The following MRC2 variants were observed in gnomAD, a reference collection of about 807,000 sequenced individuals.
The protein encoded by MRC2 is C-type mannose receptor 2.
A neutral mutation model predicts 206.2 loss-of-function variants in MRC2; 84 were observed. The ratio of observed to expected loss-of-function variants is 0.41; its 90% CI spans 0.34 to 0.49. MRC2 has a LOEUF of 0.49. Ranked by LOEUF, MRC2 falls within the 20% of genes least tolerant of loss-of-function variation. The pLI is 0.31. For missense variants in MRC2, 1,676 were observed against 2,001.5 expected (o/e 0.84, Z 3.10); for synonymous variants, 798 against 800.0 (o/e 1.00, Z 0.04).
In MRC2 at chr17:62,689,996, G is replaced by A. The variant is rs748483220; in HGVS notation, c.3676G>A (p.Asp1226Asn). ...GGGGGGCTGTACCTACGTAGATGTG[G>A]ACGGGGCCTGGCGCACCACCAGCTG... ...QPGGCTYVDV[D>N]GAWRTTSCDT... Residue 1226 changes from aspartate (D) to asparagine (N), a missense_variant, in exon 25 of 30, where the codon GAC (aspartate) becomes AAC (asparagine). By Grantham distance (23) the Asp-to-Asn change is conservative. Transcript: ENST00000303375. The A allele has an allele frequency of 6.2e-7, 1 of 1,612,430 alleles. No individual in the cohort carries two copies. The highest frequency in any genetic ancestry group is 8.5e-7 in the Non-Finnish European group (1 of 1,179,710).
In MRC2 at chr17:62,680,059, C is replaced by A. The variant is rs558000817; in HGVS notation, c.2299-111C>A. On this transcript the variant is annotated intron_variant, in intron 14 of 29. Coordinates refer to ENST00000303375, the MANE Select transcript of MRC2 (RefSeq NM_006039.5). The surrounding 1 kb of genome is among the most constrained non-coding windows in gnomAD (Gnocchi z 4.8). ...CAGGTCCGAGAGGGGTCACCCGGCC[C>A]CCGGTGAGAATTCGCAGCTCAGGCC... 6.5e-7 allele frequency: 1 copy of A among 1,548,970 alleles called. No individual in the cohort carries two copies. The highest frequency in any genetic ancestry group is 1.7e-5 in the Admixed American group (1 of 57,178).
At position 62,692,274 on chromosome 17, in the gene MRC2, G is replaced by A. The variant is rs765896720; in HGVS notation, c.4263G>A (p.Ala1421=). 2.1e-5 allele frequency: 34 copies of A among 1,604,306 alleles called. No homozygotes were observed. Among genetic ancestry groups the A allele is most frequent in the African/African-American group, 1.6e-4 (12 of 74,838 alleles). The change falls in exon 30 of 30, where the codon GCG becomes GCA. Residue 1421 remains alanine, a synonymous_variant. Coordinates refer to ENST00000303375, the MANE Select transcript of MRC2 (RefSeq NM_006039.5). This position sits in a 1 kb window ranked among gnomAD's most constrained non-coding sequence, Gnocchi z 4.2. ...CGGCCCTGGTGGTGGTGCTGATGGC[G>A]GTGCTGCTGCTCCTGGCCTTGCTGA... is the stretch of plus-strand genomic sequence containing the variant. ...NPAALVVVLM[A]VLLLLALLTA...
At chr17:62,645,497 TTA>T (rs1201996433) in intron 1 of MRC2, among the ~76,000 whole-genome samples, 1,585 of 93,736 alleles carry the variant, frequency 0.017, 43 homozygotes, top group Middle Eastern at 0.036. Flanking sequence ...TGTGTATATA[TTA>T]TATATATATA....
At chr17:62,677,144 G>C (rs2088902998) in intron 11 of MRC2, 125 bp from the exon 12 acceptor site, 3 of 729,450 alleles carry the variant, frequency 4.1e-6, no homozygotes, top group African/African-American at 1.8e-5. Context: ...CAGAGAGCAT[G>C]TCTCTGAAGA....
At chr17:62,679,999 G>A in intron 14 of MRC2, 97 bp downstream of exon 14, 5 of 1,459,040 alleles carry the variant, frequency 3.4e-6, no homozygotes, top group Non-Finnish European at 4.6e-6. Flanking sequence ...TTTTCTTGAG[G>A]GCCGGGCCCC....
chr17:62,651,898 T>G (rs2088560131), intron 1 of MRC2, among the ~76,000 whole-genome samples: 1 of 152,244 alleles, frequency 6.6e-6, no homozygotes, highest in Non-Finnish European at 1.5e-5. Flanking sequence ...AAACCTCAGT[T>G]TCTCAGGAAC....
At position 62,643,801 on chromosome 17, in the gene MRC2, A is replaced by C. The variant is rs147398699; in HGVS notation, c.118+15881A>C. Among the ~76,000 whole-genome samples, 18 of 152,344 alleles carry C rather than the reference A, an allele frequency of 1.2e-4. No homozygotes were observed. The East Asian group carries it at 3.3e-3, about 28-fold the overall frequency. The stretch of plus-strand genomic sequence containing the variant: ...TTAAAGTAATAGCTAGGAAATGATG[A>C]AATGAAACGTGATATTATATCATGG... On this transcript the variant is annotated intron_variant, in intron 1 of 29. Transcript: ENST00000303375.
intron 9 of MRC2, among the ~76,000 whole-genome samples, chr17:62,674,642 C>T (rs1268063791): frequency 6.6e-6 from 1 of 152,088 alleles, no homozygotes; most frequent in East Asian, 1.9e-4. Flanking sequence ...GGGGCTGCAC[C>T]TTCCCCCTCC....
intron 10 of MRC2, 128 bp downstream of exon 10, chr17:62,676,033 C>A: frequency 1.4e-6 from 1 of 731,278 alleles, no homozygotes; most frequent in Non-Finnish European, 2.3e-6. Context: ...CCTCAGTGGG[C>A]TCCAGGGCAT....
chr17:62,671,869 G>GAGGGC lies in MRC2; in HGVS notation c.1306+38_1306+42dup. On this transcript the variant is annotated intron_variant, in intron 7 of 29. Coordinates refer to ENST00000303375, the MANE Select transcript of MRC2 (RefSeq NM_006039.5). The surrounding 1 kb of genome is among the most constrained non-coding windows in gnomAD (Gnocchi z 4.5). ...AGCTGCCCGCCCACGTGTCTGGGTG[G>GAGGGC]AGGGCAGGGCCTCCCACTGCCCCAC... The GAGGGC allele has an allele frequency of 6.3e-7, 1 of 1,586,358 alleles. No homozygotes were observed. The highest frequency in any genetic ancestry group is 1.3e-5 in the African/African-American group (1 of 74,610).
At chr17:62,637,162 A>G (rs2147431525) in intron 1 of MRC2, among the ~76,000 whole-genome samples, 1 of 152,298 alleles carries the variant, frequency 6.6e-6, no homozygotes, top group East Asian at 1.9e-4. Flanking sequence ...CAGGAGTTCA[A>G]GACCAGCCTG....
At chr17:62,689,375 G>T in intron 23 of MRC2, 147 bp from the exon 24 acceptor site, 1 of 613,800 alleles carries the variant, frequency 1.6e-6, no homozygotes, top group South Asian at 2.1e-5. Context: ...CAACAGGGCT[G>T]ACACCTACCA....
At chr17:62,668,554 T>C (rs1045207626) in intron 6 of MRC2, among the ~76,000 whole-genome samples, 1 of 151,984 alleles carries the variant, frequency 6.6e-6, no homozygotes, top group Non-Finnish European at 1.5e-5. Context: ...CCCAGAGTAA[T>C]TGAATCAGAA....
chr17:62,668,371 T>G, intron 6 of MRC2, among the ~76,000 whole-genome samples: 1 of 123,828 alleles, frequency 8.1e-6, no homozygotes, highest in African/African-American at 3.2e-5. Context: ...AATAAATAAA[T>G]AAATAAATAA....
rs80289141 is a variant in MRC2, at chr17:62,678,365, G to T, written c.2053-139G>T. 7.4e-6 allele frequency: 9 copies of T among 1,208,486 alleles called. 1 individual carries two copies. Among genetic ancestry groups the T allele is most frequent in the South Asian group, 4.9e-5 (3 of 61,162 alleles). The allele number at this position is 1,208,486 out of a possible 1,614,324, so 74.9% of individuals were successfully genotyped here. On this transcript the variant is annotated intron_variant, in intron 12 of 29. Coordinates refer to ENST00000303375, the MANE Select transcript of MRC2 (RefSeq NM_006039.5). ...CTCCCCAGACCTCTGCAGATGAACA[G>T]GATTGTCCTTAGCTAGCCTTAGCCC...
At position 62,652,769 on chromosome 17, in the gene MRC2, G is replaced by T. The variant is rs1205986564; in HGVS notation, c.119-11779G>T. ...GTGACAGAGGAAGTGGCGCCGCTTG[G>T]GGGGGTGCACGATGGCAGGGGGAGG... On this transcript the variant is annotated intron_variant, in intron 1 of 29. Transcript: ENST00000303375. The surrounding 1 kb of genome is among the most constrained non-coding windows in gnomAD (Gnocchi z 4.6). Among the ~76,000 whole-genome samples the T allele has an allele frequency of 2.0e-5, 3 of 149,340 alleles. No homozygotes were observed. The highest frequency in any genetic ancestry group is 3.4e-3 in the Middle Eastern group (1 of 292).
chr17:62,682,143 C>A, intron 19 of MRC2, 92 bp from the exon 20 acceptor site: 2 of 1,344,654 alleles, frequency 1.5e-6, no homozygotes, highest in Non-Finnish European at 2.0e-6. Flanking sequence ...TCTGCCCAGA[C>A]TCCTCTCAGG....
At chr17:62,630,617 A>G (rs188170697) in intron 1 of MRC2, among the ~76,000 whole-genome samples, 28 of 152,094 alleles carry the variant, frequency 1.8e-4, no homozygotes, top group African/African-American at 6.5e-4. Context: ...GCTGTGGGGA[A>G]CCCCAGGGGA....
rs2088858227 is a variant in MRC2, at chr17:62,673,969, G to C, written c.1462-94G>C. 6.1e-6 allele frequency: 6 copies of C among 983,066 alleles called. No individual in the cohort carries two copies. In the Admixed American group the frequency reaches 1.3e-4, roughly 21 times the overall value. 60.9% of individuals were successfully genotyped at this position (983,066 alleles called of 1,614,324 possible). The stretch of plus-strand genomic sequence containing the variant: ...TGTCAGAATCACACAGTAAGTCAGA[G>C]ACAGGGCCAGCTCTAGGAACCAGAT... On this transcript the variant is annotated intron_variant, in intron 8 of 29. Transcript: ENST00000303375.
Sources: allele counts gnomAD v4.1 joint callset (sites outside exome capture counted in the v4.1 genomes callset), GRCh38; gene constraint gnomAD v4.1.1; non-coding constraint Gnocchi (gnomAD v3.1); transcripts MANE v1.5; gene names NCBI Gene and HGNC (gene_info 2026-07-23, HGNC 2026-07-21).